Variants in RNF182 observed in about 807,000 individuals in gnomAD.
The protein encoded by RNF182 is E3 ubiquitin-protein ligase RNF182.
RNF182 carries 15 observed loss-of-function variants against 14.4 expected under a neutral mutation model. The observed-to-expected ratio is 1.04, with a 90% CI of 0.70 to 1.60. The LOEUF (loss-of-function observed/expected upper bound fraction) is 1.60. Ranked by LOEUF, RNF182 falls within the 40% of genes most tolerant of loss-of-function variation. The pLI, the probability that RNF182 is intolerant of heterozygous loss-of-function variation, is 0.00. For missense variants in RNF182, 268 were observed against 294.8 expected (o/e 0.91, Z 0.67); for synonymous variants, 128 against 122.9 (o/e 1.04, Z -0.27).
At chr6:13,972,469 G>A (rs1316805652) in intron 1 of RNF182, among the ~76,000 whole-genome samples, 3 of 152,292 alleles carry the variant, frequency 2.0e-5, no homozygotes, top group African/African-American at 7.2e-5. Flanking sequence ...TGGGGAAAAT[G>A]TCTCTGCATA....
chr6:13,977,805 A>G lies in RNF182; in HGVS notation c.686A>G (p.Tyr229Cys), dbSNP rs1174706851. ...VPSSLVILMVYGFCQCVCHEF... is the reference protein window; with the variant it reads ...VPSSLVILMVCGFCQCVCHEF... The stretch of plus-strand genomic sequence containing the variant: ...TCGAGCCTCGTTATTCTTATGGTGT[A>G]TGGTTTTTGCCAGTGTGTTTGTCAT... The change falls in exon 3 of 3, where the codon TAT becomes TGT. Residue 229 changes from tyrosine to cysteine, a missense_variant. Coordinates refer to ENST00000488300, the MANE Select transcript of RNF182 (RefSeq NM_152737.4). 4.3e-6 allele frequency: 7 copies of G among 1,613,970 alleles called. No homozygotes were observed. Among genetic ancestry groups the G allele is most frequent in the East Asian group, 4.5e-5 (2 of 44,890 alleles).
At chr6:13,932,170 A>G (rs566126140) in intron 1 of RNF182, among the ~76,000 whole-genome samples, 2 of 152,358 alleles carry the variant, frequency 1.3e-5, no homozygotes, top group African/African-American at 2.4e-5. Flanking sequence ...GGAGACAATA[A>G]TATTACTTCA....
At chr6:13,953,417 A>G (rs1173762549) in intron 1 of RNF182, among the ~76,000 whole-genome samples, 3 of 152,170 alleles carry the variant, frequency 2.0e-5, no homozygotes, top group Non-Finnish European at 4.4e-5. Context: ...GGCAGTTGTT[A>G]CTGGCTATAG....
At chr6:13,946,372 A>T (rs1270373791) in intron 1 of RNF182, among the ~76,000 whole-genome samples, 1 of 151,830 alleles carries the variant, frequency 6.6e-6, no homozygotes, top group Non-Finnish European at 1.5e-5. Context: ...ACCATGTTGG[A>T]CAGGCTGGTC....
At chr6:13,968,451 A>C (rs1029893427) in intron 1 of RNF182, among the ~76,000 whole-genome samples, 1 of 152,256 alleles carries the variant, frequency 6.6e-6, no homozygotes, top group Non-Finnish European at 1.5e-5. Context: ...TGACAATGGA[A>C]TCATATGAAA....
At position 13,977,366 on chromosome 6, in the gene RNF182, G is replaced by A. The variant is rs375751649; in HGVS notation, c.247G>A (p.Asp83Asn). ...AGATGATGAAGTTAGTAGCCTGCCCGATGACAACAACATCCTTGTAAACTT... is the reference window on the plus strand; with the variant it reads ...AGATGATGAAGTTAGTAGCCTGCCCAATGACAACAACATCCTTGTAAACTT... ...LPDDEVSSLP[D>N]DNNILVNLTC... is the part of the protein sequence containing the mutation. The change falls in exon 3 of 3, where the codon GAT becomes AAT. Residue 83 changes from aspartate to asparagine, a missense_variant. Transcript: ENST00000488300. 2.2e-5 allele frequency: 35 copies of A among 1,614,052 alleles called. No homozygotes were observed. The highest frequency in any genetic ancestry group is 2.8e-5 in the Non-Finnish European group (33 of 1,180,034).
At chr6:13,937,909 T>G (rs1561776588) in intron 1 of RNF182, among the ~76,000 whole-genome samples, 1 of 152,278 alleles carries the variant, frequency 6.6e-6, no homozygotes, top group East Asian at 1.9e-4. Context: ...ATATTGAGCA[T>G]TTTTTCATGT....
chr6:13,928,911 G>A (rs1758900425), intron 1 of RNF182, among the ~76,000 whole-genome samples: 1 of 152,148 alleles, frequency 6.6e-6, no homozygotes, highest in African/African-American at 2.4e-5. Context: ...TCTGGGGCAG[G>A]AAGCTGGGGG....
rs141092321 is a variant in RNF182 at position 13,975,143 on chromosome 6, A to G, written c.-212+779A>G. 2.8e-3 allele frequency among the ~76,000 whole-genome samples: 425 copies of G among 152,326 alleles called. 1 individual carries two copies. The highest frequency in any genetic ancestry group is 8.0e-3 in the African/African-American group (332 of 41,562). ...ACTGCCCAGGGCTGGGGACTGTCCC[A>G]TGAAGTGAGCTAGGACTGTGTGTGG... On this transcript the variant is annotated intron_variant, in intron 2 of 2. Coordinates refer to ENST00000488300, the MANE Select transcript of RNF182 (RefSeq NM_152737.4).
intron 1 of RNF182, among the ~76,000 whole-genome samples, chr6:13,930,921 CTA>C (rs1451167795): frequency 1.3e-5 from 2 of 152,204 alleles, no homozygotes; most frequent in Non-Finnish European, 2.9e-5. Context: ...CTGAATTTGA[CTA>C]TGATTGCTTT....
At chr6:13,958,939 C>T (rs1302838435) in intron 1 of RNF182, among the ~76,000 whole-genome samples, 1 of 152,020 alleles carries the variant, frequency 6.6e-6, no homozygotes, top group Non-Finnish European at 1.5e-5. Context: ...CTTGTTAGTT[C>T]CCTTGAGAGC....
At chr6:13,966,525 G>A (rs1760030892) in intron 1 of RNF182, among the ~76,000 whole-genome samples, 1 of 152,180 alleles carries the variant, frequency 6.6e-6, no homozygotes, top group African/African-American at 2.4e-5. Context: ...CACTTTGGGA[G>A]GCCAAGGTAG....
In RNF182 at chr6:13,977,380, C is replaced by T. The variant is rs1359458828; in HGVS notation, c.261C>T (p.Ile87=). 2.5e-6 allele frequency: 4 copies of T among 1,613,980 alleles called. No homozygotes were observed. In the East Asian group the frequency reaches 8.9e-5, roughly 36 times the overall value. Residue 87 remains isoleucine, a synonymous_variant, in exon 3 of 3, where the codon ATC becomes ATT. Coordinates refer to ENST00000488300, the MANE Select transcript of RNF182 (RefSeq NM_152737.4). The part of the protein sequence containing the change: ...EVSSLPDDNN[I]LVNLTCGGKG... ...GTAGCCTGCCCGATGACAACAACAT[C>T]CTTGTAAACTTGACTTGTGGAGGCA... is the stretch of plus-strand genomic sequence containing the variant.
chr6:13,964,971 C>A (rs764949202), intron 1 of RNF182, among the ~76,000 whole-genome samples: 1 of 152,178 alleles, frequency 6.6e-6, no homozygotes, highest in East Asian at 1.9e-4. Context: ...TTCCATGGGT[C>A]CTTCAACAAT....
At chr6:13,928,155 CT>C (rs1758876323) in intron 1 of RNF182, among the ~76,000 whole-genome samples, 1 of 152,150 alleles carries the variant, frequency 6.6e-6, no homozygotes. Flanking sequence ...ATGTCTTAAG[CT>C]GTTTGGTAAG....
chr6:13,949,663 A>G, intron 1 of RNF182: 1 of 309,576 alleles, frequency 3.2e-6, no homozygotes, highest in Non-Finnish European at 6.3e-6. Flanking sequence ...ACCTGAAAGT[A>G]TAGATCAGAA....
upstream of RNF182, chr6:13,924,831 G>A (rs1032449770): frequency 6.6e-6 from 1 of 151,226 alleles, no homozygotes; most frequent in Non-Finnish European, 1.5e-5. Context: ...GACTGCTGAG[G>A]GGAAGGGCCG....
Position 13,924,991 on chromosome 6 carries a change from G to A in RNF182, c.-399G>A, listed in dbSNP as rs1758776356. ...CCTCCCAGGCGCCGCCGCAGCCGGA[G>A]CGGCTCCCGGGCCCTGGGCCGCCGC... On this transcript the variant is annotated 5_prime_UTR_variant, in exon 1 of 3. Transcript: ENST00000488300. 1.0e-4 allele frequency: 1 copy of A among 9,558 alleles called. No homozygotes were observed. The highest frequency in any genetic ancestry group is 3.5e-4 in the African/African-American group (1 of 2,850). 0.6% of individuals were successfully genotyped at this position (9,558 alleles called of 1,614,324 possible).
intron 1 of RNF182, among the ~76,000 whole-genome samples, chr6:13,968,710 T>C (rs941851339): frequency 1.3e-5 from 2 of 152,160 alleles, no homozygotes; most frequent in Non-Finnish European, 2.9e-5. Context: ...TAAAAAAGAA[T>C]GCACACACAC....
Sources: gnomAD v4.1 joint callset for allele counts (sites outside exome capture counted in the v4.1 genomes callset) on GRCh38, gnomAD v4.1.1 for gene constraint, MANE v1.5 for transcripts, NCBI Gene and HGNC (gene_info 2026-07-23, HGNC 2026-07-21) for gene names.